Variants in TERF2IP observed in about 807,000 individuals in gnomAD.
TERF2IP encodes TERF2 interacting protein, also known as telomeric repeat-binding factor 2-interacting protein 1.
TERF2IP carries 35 observed loss-of-function variants against 33.3 expected under a neutral mutation model. That is an observed-to-expected ratio of 1.05 (90% CI 0.80 to 1.39). The LOEUF (loss-of-function observed/expected upper bound fraction) is 1.39, where lower values mean the gene tolerates loss of function less well. Among genes scored for constraint, TERF2IP ranks in the 40% most tolerant of loss-of-function variants. TERF2IP has a pLI of 0.00. For missense variants in TERF2IP, 583 were observed against 524.8 expected, an observed-to-expected ratio of 1.11 and a Z score of -1.08; for synonymous variants, 253 against 223.2, an observed-to-expected ratio of 1.13 and a Z score of -1.19.
At chr16:75,654,438 T>A in intron 2 of TERF2IP, 41 bp downstream of exon 2, 2 of 1,595,400 alleles carry the variant, frequency 1.3e-6, no homozygotes, top group Non-Finnish European at 1.7e-6. Flanking sequence ...TTCCCTACCT[T>A]CATTCTTCTT....
At chr16:75,655,373 A>T (rs1173902505) in intron 2 of TERF2IP, among the ~76,000 whole-genome samples, 2 of 152,236 alleles carry the variant, frequency 1.3e-5, no homozygotes, top group Non-Finnish European at 2.9e-5. Context: ...AATTATATGT[A>T]TATATTTTTC....
At chr16:75,652,513 A>G (rs1203269028) in intron 1 of TERF2IP, among the ~76,000 whole-genome samples, 2 of 152,206 alleles carry the variant, frequency 1.3e-5, no homozygotes, top group African/African-American at 2.4e-5. Flanking sequence ...TTAAATCTAT[A>G]CTTTTCATCC....
chr16:75,654,240 A>C (rs146045682), intron 1 of TERF2IP, 33 bp from the exon 2 acceptor site: 40 of 1,560,834 alleles, frequency 2.6e-5, no homozygotes, highest in Middle Eastern at 1.7e-4. Context: ...AAAAGAGGCT[A>C]TTGCTAATCT....
At chr16:75,652,961 G>A (rs2082358155) in intron 1 of TERF2IP, among the ~76,000 whole-genome samples, 1 of 151,952 alleles carries the variant, frequency 6.6e-6, no homozygotes, top group Admixed American at 6.6e-5. Flanking sequence ...TCCGCCTTCT[G>A]TTTCTATGAA....
chr16:75,656,360 A>G lies in TERF2IP; in HGVS notation c.949A>G (p.Ile317Val), dbSNP rs751263761. Residue 317 changes from isoleucine to valine, a missense_variant, in exon 3 of 3, where the codon ATC (isoleucine) becomes GTC (valine). Physicochemically the swap from Ile to Val is conservative, Grantham distance 29. Coordinates refer to ENST00000300086, the MANE Select transcript of TERF2IP (RefSeq NM_018975.4). Reference protein sequence around the residue: ...SQPEVGAAIKIIRQLMEKFNL... With the variant: ...SQPEVGAAIKVIRQLMEKFNL... ...ACCAGAGGTGGGAGCTGCCATTAAGATCATTCGGCAGTTAATGGAGAAGTT... is the reference window on the plus strand; with the variant it reads ...ACCAGAGGTGGGAGCTGCCATTAAGGTCATTCGGCAGTTAATGGAGAAGTT... The G allele has an allele frequency of 1.9e-6, 3 of 1,614,204 alleles. No homozygotes were observed. Among genetic ancestry groups the G allele is most frequent in the East Asian group, 2.2e-5 (1 of 44,888 alleles).
rs1597184007 is a variant in TERF2IP, at chr16:75,648,554, T to G, written c.670+2T>G. 6.5e-7 allele frequency: 1 copy of G among 1,542,028 alleles called. No individual in the cohort carries two copies. The highest frequency in any genetic ancestry group is 2.3e-5 in the East Asian group (1 of 42,760). ...ACCCGGAGGCCGCGGATAGCGGGGGTGAGGAGGCTGAGCGCGGGGCCTCGC... is the reference window on the plus strand; with the variant it reads ...ACCCGGAGGCCGCGGATAGCGGGGGGGAGGAGGCTGAGCGCGGGGCCTCGC... On this transcript the variant is annotated splice_donor_variant, in intron 1 of 2. Coordinates refer to ENST00000300086, the MANE Select transcript of TERF2IP (RefSeq NM_018975.4). LOFTEE classifies it high-confidence loss of function.
rs1255966682 is a variant in TERF2IP at position 75,648,251 on chromosome 16, G to A, written c.369G>A (p.Ala123=). The A allele has an allele frequency of 1.3e-6, 2 of 1,546,224 alleles. No individual in the cohort carries two copies. Among genetic ancestry groups the A allele is most frequent in the African/African-American group, 2.7e-5 (2 of 73,034 alleles). The part of the protein sequence containing the change: ...AKPGALAEGA[A]EPEPQRHAGR... The stretch of plus-strand genomic sequence containing the variant: ...CCGGGGCCCTGGCCGAGGGCGCCGC[G>A]GAGCCGGAGCCGCAGCGGCACGCCG... Residue 123 remains alanine (A), a synonymous_variant, in exon 1 of 3, where the codon GCG becomes GCA. Transcript: ENST00000300086.
rs778363843 is a variant in TERF2IP, at chr16:75,648,421, T to G, written c.539T>G (p.Leu180Arg). 4 of 1,605,888 alleles carry G rather than the reference T, an allele frequency of 2.5e-6. No individual in the cohort carries two copies. The highest frequency in any genetic ancestry group is 3.4e-6 in the Non-Finnish European group (4 of 1,176,842). Residue 180 changes from leucine (L) to arginine (R), a missense_variant, in exon 1 of 3, where the codon CTG (leucine) becomes CGG (arginine). By Grantham distance (102) the Leu-to-Arg change is moderately radical. Coordinates refer to ENST00000300086, the MANE Select transcript of TERF2IP (RefSeq NM_018975.4). The stretch of plus-strand genomic sequence containing the variant: ...CTCACGCAGCACTCGTGGCAGTCCC[T>G]GAAGGACCGCTACCTCAAGCACCTG... ...SSLTQHSWQS[L>R]KDRYLKHLRG...
Position 75,656,300 on chromosome 16 carries a change from G to A in TERF2IP, c.889G>A (p.Glu297Lys). 6.2e-7 allele frequency: 1 copy of A among 1,614,204 alleles called. No individual in the cohort carries two copies. Among genetic ancestry groups the A allele is most frequent in the Non-Finnish European group, 8.5e-7 (1 of 1,180,042 alleles). ...GGAAGACTCAGAAACACAGCCTGAT[G>A]AGGAGGAAGAAGAAGAAGAAGAAAA... is the stretch of plus-strand genomic sequence containing the variant. Reference protein sequence around the residue: ...PEEDSETQPDEEEEEEEEKVS... With the variant: ...PEEDSETQPDKEEEEEEEKVS... The change falls in exon 3 of 3, where the codon GAG becomes AAG. Residue 297 changes from glutamate (E) to lysine (K), a missense_variant. Glu to Lys is a moderately conservative substitution (Grantham distance 56, BLOSUM62 1). Transcript: ENST00000300086.
intron 2 of TERF2IP, 93 bp downstream of exon 2, chr16:75,654,490 C>CCTG: frequency 7.4e-7 from 1 of 1,353,066 alleles, no homozygotes; most frequent in Non-Finnish European, 1.0e-6. Flanking sequence ...CTACCTGGGG[C>CCTG]TCAGGAAAGT....
In TERF2IP at chr16:75,648,079, A is replaced by C; in HGVS notation, c.197A>C (p.Gln66Pro). ...VQEPGAVLLAQPGEALAEASG... is the reference protein window; with the variant it reads ...VQEPGAVLLAPPGEALAEASG... ...GAGCCCGGGGCCGTGCTGCTGGCCC[A>C]GCCCGGGGAGGCGCTGGCCGAGGCC... Residue 66 changes from glutamine (Q) to proline (P), a missense_variant, in exon 1 of 3, where the codon CAG (glutamine) becomes CCG (proline). Transcript: ENST00000300086. 1.3e-6 allele frequency: 2 copies of C among 1,574,090 alleles called. No individual in the cohort carries two copies. The highest frequency in any genetic ancestry group is 1.7e-6 in the Non-Finnish European group (2 of 1,160,018).
chr16:75,653,773 C>G (rs897697363), intron 1 of TERF2IP, among the ~76,000 whole-genome samples: 1 of 152,122 alleles, frequency 6.6e-6, no homozygotes, highest in Non-Finnish European at 1.5e-5. Flanking sequence ...AAGGGCCTTC[C>G]TAGCTCCAGA....
Position 75,656,678 on chromosome 16 carries a change from T to G in TERF2IP, c.*67T>G. The G allele has an allele frequency of 6.9e-7, 1 of 1,456,426 alleles. No individual in the cohort carries two copies. Among genetic ancestry groups the G allele is most frequent in the Non-Finnish European group, 9.3e-7 (1 of 1,078,844 alleles). 90.2% of individuals were successfully genotyped at this position (1,456,426 alleles called of 1,614,324 possible). A position where few individuals can be genotyped will look rare whatever the true frequency, so the allele number is the denominator to read the frequency against. The stretch of plus-strand genomic sequence containing the variant: ...GGTGGTTAAAAAAAATTGTGACCAA[T>G]GAACTTTAGAGAGTTCTTGCATTGG... On this transcript the variant is annotated 3_prime_UTR_variant, in exon 3 of 3. Transcript: ENST00000300086.
rs749328270 is a variant in TERF2IP at position 75,648,163 on chromosome 16, T to C, written c.281T>C (p.Leu94Pro). 1 of 1,565,588 alleles carries C rather than the reference T, an allele frequency of 6.4e-7. No individual in the cohort carries two copies. The highest frequency in any genetic ancestry group is 8.6e-7 in the Non-Finnish European group (1 of 1,157,940). The change falls in exon 1 of 3, where the codon CTG becomes CCG. Residue 94 changes from leucine (L) to proline (P), a missense_variant. Transcript: ENST00000300086. ...GACTGCGTGGAGCGCAACGAGAGGCTGGAGCTGGAGGCCTATCGGCTGGGC... is the reference window on the plus strand; with the variant it reads ...GACTGCGTGGAGCGCAACGAGAGGCCGGAGCTGGAGGCCTATCGGCTGGGC... Reference protein sequence around the residue: ...ILDCVERNERLELEAYRLGPA... With the variant: ...ILDCVERNERPELEAYRLGPA...
chr16:75,654,202 A>G, intron 1 of TERF2IP, 71 bp from the exon 2 acceptor site: 1 of 1,401,532 alleles, frequency 7.1e-7, no homozygotes, highest in South Asian at 1.5e-5. Flanking sequence ...CCCAGAGCTC[A>G]CACAGCAAAT....
Position 75,648,176 on chromosome 16 carries a change from C to CT in TERF2IP, c.295dup (p.Tyr99LeufsTer63). The stretch of plus-strand genomic sequence containing the variant: ...GCAACGAGAGGCTGGAGCTGGAGGC[C>CT]TATCGGCTGGGCCCCGCCTCGGCGG... On this transcript the variant is annotated frameshift_variant, in exon 1 of 3. Coordinates refer to ENST00000300086, the MANE Select transcript of TERF2IP (RefSeq NM_018975.4). LOFTEE classifies it high-confidence loss of function. 1 of 1,563,506 alleles carries CT rather than the reference C, an allele frequency of 6.4e-7. No homozygotes were observed. The highest frequency in any genetic ancestry group is 8.6e-7 in the Non-Finnish European group (1 of 1,156,766).
Position 75,648,080 on chromosome 16 carries a change from G to A in TERF2IP, c.198G>A (p.Gln66=). The change falls in exon 1 of 3, where the codon CAG becomes CAA. Residue 66 remains glutamine, a synonymous_variant. Transcript: ENST00000300086. The part of the protein sequence containing the change: ...VQEPGAVLLA[Q]PGEALAEASG... ...AGCCCGGGGCCGTGCTGCTGGCCCA[G>A]CCCGGGGAGGCGCTGGCCGAGGCCT... 1 of 1,571,852 alleles carries A rather than the reference G, an allele frequency of 6.4e-7. No individual in the cohort carries two copies.
In TERF2IP at chr16:75,656,238, A is replaced by G. The variant is rs2082384483; in HGVS notation, c.827A>G (p.His276Arg). The G allele has an allele frequency of 1.2e-6, 2 of 1,613,684 alleles. No homozygotes were observed. The highest frequency in any genetic ancestry group is 1.7e-6 in the Non-Finnish European group (2 of 1,179,886). Reference sequence around the variant, plus strand: ...GAGAGCCCTCCTGATTTTGAAATACATATAACTATGTGTGATGATGATCCA... The same window carrying G: ...GAGAGCCCTCCTGATTTTGAAATACGTATAACTATGTGTGATGATGATCCA... ...VDESPPDFEI[H>R]ITMCDDDPPT... The change falls in exon 3 of 3, where the codon CAT becomes CGT. Residue 276 changes from histidine (H) to arginine (R), a missense_variant. Transcript: ENST00000300086.
intron 2 of TERF2IP, among the ~76,000 whole-genome samples, chr16:75,655,697 AATACATTC>A (rs1216690753): frequency 1.3e-5 from 2 of 152,222 alleles, no homozygotes; most frequent in Non-Finnish European, 2.9e-5. Flanking sequence ...TGGAAGCCCT[AATACATTC>A]ATACAGCAGT....
Sources: gnomAD v4.1 joint callset for allele counts (sites outside exome capture counted in the v4.1 genomes callset) on GRCh38, gnomAD v4.1.1 for gene constraint, MANE v1.5 for transcripts, NCBI Gene and HGNC (gene_info 2026-07-23, HGNC 2026-07-21) for gene names.